PARN: variants seen among roughly 807,000 people sequenced by gnomAD.
PARN encodes poly(A)-specific ribonuclease PARN.
Under a neutral mutation model 102.8 loss-of-function variants are expected in PARN, and 71 were observed. That is an observed-to-expected ratio of 0.69 (90% CI 0.57 to 0.84). The LOEUF (loss-of-function observed/expected upper bound fraction) is 0.84, where lower values mean the gene tolerates loss of function less well. PARN is among the 40% of genes least tolerant of loss of function. The probability of loss-of-function intolerance (pLI) is 0.00; values close to 1 mark genes in which losing one functional copy is unlikely to be tolerated. For synonymous variants in PARN, 261 were observed against 252.9 expected (o/e 1.03, Z -0.30); for missense variants, 782 against 760.9 (o/e 1.03, Z -0.33).
At chr16:14,485,271 A>G (rs1963606446) in intron 21 of PARN, among the ~76,000 whole-genome samples, 1 of 152,216 alleles carries the variant, frequency 6.6e-6, no homozygotes, top group Non-Finnish European at 1.5e-5. Flanking sequence ...TCCTTGGAAC[A>G]GTTATTTTTC....
chr16:14,486,317 C>T (rs1168482967), intron 21 of PARN, among the ~76,000 whole-genome samples: 2 of 152,098 alleles, frequency 1.3e-5, no homozygotes, highest in African/African-American at 2.4e-5. Flanking sequence ...CAGTGAGCCA[C>T]GATTGCACCA....
At chr16:14,457,547 C>A (rs1961731195) in intron 22 of PARN, among the ~76,000 whole-genome samples, 2 of 152,032 alleles carry the variant, frequency 1.3e-5, no homozygotes, top group African/African-American at 4.8e-5. Context: ...CACCTGTAAT[C>A]CCTGCACTTT....
At chr16:14,472,504 T>C (rs2151585638) in intron 22 of PARN, among the ~76,000 whole-genome samples, 2 of 152,274 alleles carry the variant, frequency 1.3e-5, no homozygotes, top group South Asian at 4.1e-4. Context: ...AGTCTGAAAT[T>C]AGCATAGCCC....
chr16:14,587,074 C>T (rs1270204530), intron 13 of PARN, among the ~76,000 whole-genome samples: 1 of 152,178 alleles, frequency 6.6e-6, no homozygotes, highest in African/African-American at 2.4e-5. Flanking sequence ...ATACTCCTGA[C>T]TCTTTGTAAA....
intron 23 of PARN, among the ~76,000 whole-genome samples, chr16:14,446,548 T>C (rs1961206331): frequency 6.6e-6 from 1 of 152,136 alleles, no homozygotes; most frequent in Non-Finnish European, 1.5e-5. Context: ...AAATAACATG[T>C]AGGAGGGGCC....
chr16:14,613,561 T>A (rs916842612), intron 6 of PARN, among the ~76,000 whole-genome samples: 16 of 152,186 alleles, frequency 1.1e-4, no homozygotes, highest in Non-Finnish European at 2.2e-4. Context: ...AGGTAGAGGT[T>A]GCAGTGAGCC....
chr16:14,535,890 T>G (rs1427895292), intron 21 of PARN, among the ~76,000 whole-genome samples: 1 of 152,216 alleles, frequency 6.6e-6, no homozygotes, highest in African/African-American at 2.4e-5. Context: ...AGTCTCGGAA[T>G]GTATCCTCCA....
chr16:14,531,274 CGCAGAGGTTGCAGGGAG>C (rs1966314152), intron 21 of PARN, among the ~76,000 whole-genome samples: 1 of 151,766 alleles, frequency 6.6e-6, no homozygotes, highest in Non-Finnish European at 1.5e-5. Flanking sequence ...GAACCCAGAA[CGCAGAGGTTGCAGGGAG>C]GCAGAGGTTG....
chr16:14,453,594 T>C (rs1961559313), intron 22 of PARN, among the ~76,000 whole-genome samples: 1 of 152,250 alleles, frequency 6.6e-6, no homozygotes, highest in Non-Finnish European at 1.5e-5. Flanking sequence ...CGTGTCACTC[T>C]GCACTCAATC....
At chr16:14,487,853 A>G (rs1423296657) in intron 21 of PARN, among the ~76,000 whole-genome samples, 1 of 152,234 alleles carries the variant, frequency 6.6e-6, no homozygotes, top group Non-Finnish European at 1.5e-5. Context: ...GCTGAGGCAC[A>G]GAACTGTACA....
At chr16:14,622,508 CAT>C (rs1291899063) in intron 5 of PARN, among the ~76,000 whole-genome samples, 3 of 151,794 alleles carry the variant, frequency 2.0e-5, no homozygotes, top group African/African-American at 7.2e-5. Flanking sequence ...ATTAGGATTC[CAT>C]ATATATATAT....
intron 22 of PARN, among the ~76,000 whole-genome samples, chr16:14,447,600 A>G (rs996263543): frequency 6.6e-6 from 1 of 152,222 alleles, no homozygotes; most frequent in African/African-American, 2.4e-5. Context: ...TTCCTTTCCA[A>G]AAAGATGACT....
Position 14,555,639 on chromosome 16 carries a change from T to C in PARN, c.1318+15A>G. On this transcript the variant is annotated intron_variant, in intron 19 of 23. Transcript: ENST00000437198. Reference sequence around the variant, plus strand: ...TAAATGCACAGATGCAATAAGAAAATAAAAATTTACTTACAGTCTGGTCCT... The same window carrying C: ...TAAATGCACAGATGCAATAAGAAAACAAAAATTTACTTACAGTCTGGTCCT... 1 of 1,276,762 alleles carries C rather than the reference T, an allele frequency of 7.8e-7. No individual in the cohort carries two copies. Among genetic ancestry groups the C allele is most frequent in the Non-Finnish European group, 1.1e-6 (1 of 913,132 alleles). The allele number at this position is 1,276,762 out of a possible 1,614,324, so 79.1% of individuals were successfully genotyped here.
In PARN at chr16:14,515,013, C is replaced by T. The variant is rs564301810; in HGVS notation, c.1481-32186G>A. Among the ~76,000 whole-genome samples the T allele has an allele frequency of 1.8e-4, 27 of 152,348 alleles. No individual in the cohort carries two copies. The South Asian group carries it at 5.4e-3, about 30-fold the overall frequency. On this transcript the variant is annotated intron_variant, in intron 21 of 23. Transcript: ENST00000437198. ...GTAACACAGTATGTGGCCCAAAGAA[C>T]AAACATCTTTACGAATCAACACTTG...
intron 5 of PARN, among the ~76,000 whole-genome samples, chr16:14,622,757 T>C (rs770091371): frequency 2.0e-5 from 3 of 152,186 alleles, no homozygotes; most frequent in Non-Finnish European, 1.5e-5. Context: ...CCGCCCGACT[T>C]GGCCTCCCAA....
chr16:14,525,320 A>C (rs572588828), intron 21 of PARN, among the ~76,000 whole-genome samples: 2 of 152,338 alleles, frequency 1.3e-5, no homozygotes, highest in South Asian at 4.1e-4. Context: ...GAAGTTGTCC[A>C]AGACTCATCA....
chr16:14,489,849 G>C (rs994019062), intron 21 of PARN, among the ~76,000 whole-genome samples: 1 of 152,198 alleles, frequency 6.6e-6, no homozygotes, highest in African/African-American at 2.4e-5. Flanking sequence ...TAAGGGAATT[G>C]CCTATATTCG....
At chr16:14,619,925 C>A (rs1972187720) in intron 5 of PARN, among the ~76,000 whole-genome samples, 1 of 150,440 alleles carries the variant, frequency 6.6e-6, no homozygotes, top group South Asian at 2.1e-4. Context: ...CAAAAATTAG[C>A]CAGGCGTGGT....
intron 16 of PARN, among the ~76,000 whole-genome samples, chr16:14,582,763 T>G (rs1363539883): frequency 6.6e-6 from 1 of 152,096 alleles, no homozygotes; most frequent in African/African-American, 2.4e-5. Context: ...GGTATGACCT[T>G]GGGCAAGTCA....
Sources: gnomAD v4.1 joint callset for allele counts (sites outside exome capture counted in the v4.1 genomes callset) on GRCh38, gnomAD v4.1.1 for gene constraint, MANE v1.5 for transcripts, NCBI Gene and HGNC (gene_info 2026-07-23, HGNC 2026-07-21) for gene names.